The following MICAL2 variants were observed in gnomAD, a reference collection of about 807,000 sequenced individuals.
MICAL2 encodes [F-actin]-monooxygenase MICAL2.
Under a neutral mutation model 127.3 loss-of-function variants are expected in MICAL2, and 77 were observed. The observed-to-expected ratio is 0.60, with a 90% confidence interval of 0.50 to 0.73. MICAL2 has a LOEUF of 0.73. Among genes scored for constraint, MICAL2 ranks in the 30% least tolerant of loss-of-function variants. The pLI is 0.00. For synonymous variants in MICAL2, 570 were observed against 551.1 expected, an observed-to-expected ratio of 1.03 and a Z score of -0.48; for missense variants, 1,351 against 1,434.4, an observed-to-expected ratio of 0.94 and a Z score of 0.94.
At chr11:12,338,140 G>C (rs1449298988) in intron 32 of MICAL2, among the ~76,000 whole-genome samples, 2 of 152,326 alleles carry the variant, frequency 1.3e-5, no homozygotes, top group South Asian at 2.1e-4. Flanking sequence ...GTGTGCTCCT[G>C]TATTGGGTGC....
At chr11:12,118,612 C>T (rs895236311) in intron 1 of MICAL2, among the ~76,000 whole-genome samples, 21 of 152,176 alleles carry the variant, frequency 1.4e-4, no homozygotes, top group African/African-American at 4.8e-4. Context: ...GTTCAAAGAG[C>T]CTGGAATCTG....
At chr11:12,320,294 A>G (rs1864278468) in intron 30 of MICAL2, among the ~76,000 whole-genome samples, 1 of 152,236 alleles carries the variant, frequency 6.6e-6, no homozygotes, top group Non-Finnish European at 1.5e-5. Flanking sequence ...TGGAAGGGAC[A>G]AGCCCCGTGC....
chr11:12,256,272 C>G (rs1043050838), intron 23 of MICAL2: 1 of 160,510 alleles, frequency 6.2e-6, no homozygotes, highest in African/African-American at 2.4e-5. Context: ...CCGTGCCCTC[C>G]CAATTCACAA....
intron 3 of MICAL2, among the ~76,000 whole-genome samples, chr11:12,172,689 A>AG (rs900695992): frequency 2.0e-5 from 3 of 152,052 alleles, no homozygotes; most frequent in African/African-American, 7.2e-5. Flanking sequence ...GTGAAAAGGA[A>AG]GAAAAAAAAA....
At chr11:12,149,992 C>T (rs967977901) in intron 2 of MICAL2, among the ~76,000 whole-genome samples, 6 of 152,120 alleles carry the variant, frequency 3.9e-5, no homozygotes, top group Non-Finnish European at 8.8e-5. Context: ...TTGCATTTAG[C>T]AGCAGTTGGT....
intron 3 of MICAL2, among the ~76,000 whole-genome samples, chr11:12,179,285 G>A (rs1272644866): frequency 1.3e-5 from 2 of 152,014 alleles, no homozygotes; most frequent in Admixed American, 1.3e-4. Context: ...GCCCAGCACT[G>A]TAGGCACTTT....
chr11:12,261,954 A>T (rs1863174426), intron 26 of MICAL2: 1 of 988,082 alleles, frequency 1.0e-6, no homozygotes, highest in Non-Finnish European at 1.2e-6. Flanking sequence ...GATTATCTTC[A>T]GCTCAGGATA....
At chr11:12,166,299 C>T (rs141460556) in intron 3 of MICAL2, among the ~76,000 whole-genome samples, 16 of 152,292 alleles carry the variant, frequency 1.1e-4, no homozygotes, top group Middle Eastern at 6.8e-3. Flanking sequence ...TACTGGTTTG[C>T]TCTTATATTC....
intron 29 of MICAL2, among the ~76,000 whole-genome samples, chr11:12,317,744 A>C (rs932450267): frequency 6.6e-6 from 1 of 151,722 alleles, no homozygotes; most frequent in Non-Finnish European, 1.5e-5. Context: ...GTGAGCCCAG[A>C]TCATGCCACT....
chr11:12,239,476 A>G lies in MICAL2; in HGVS notation c.2105A>G (p.Glu702Gly). 1 of 1,614,176 alleles carries G rather than the reference A, an allele frequency of 6.2e-7. No homozygotes were observed. Among genetic ancestry groups the G allele is most frequent in the Non-Finnish European group, 8.5e-7 (1 of 1,180,036 alleles). Residue 702 changes from glutamate to glycine, a missense_variant, in exon 17 of 28, where the codon GAG (glutamate) becomes GGG (glycine). Around this residue, in one of 2 missense-constraint regions of MICAL2, gnomAD observed 752 missense variants for 719.4 expected, o/e 1.05. Transcript: ENST00000683283. ...FSSRSLGSNQ[E>G]CGSSKEGGNQ... is the part of the protein sequence containing the mutation. The stretch of plus-strand genomic sequence containing the variant: ...AGCCGTAGCTTGGGCTCCAATCAAG[A>G]GTGTGGGAGCAGTAAGGAAGGTGGA...
At chr11:12,327,350 C>A in intron 32 of MICAL2, 1 of 1,142,980 alleles carries the variant, frequency 8.7e-7, no homozygotes, top group Non-Finnish European at 1.2e-6. Context: ...CAGACCTTGT[C>A]ACCTGCTGGA....
intron 2 of MICAL2, among the ~76,000 whole-genome samples, chr11:12,147,125 G>A (rs929372542): frequency 5.9e-5 from 9 of 151,836 alleles, no homozygotes; most frequent in Non-Finnish European, 1.0e-4. Flanking sequence ...CGAGTTAATG[G>A]GTGCAGCACA....
intron 1 of MICAL2, among the ~76,000 whole-genome samples, chr11:12,277,568 G>A (rs1863735093): frequency 6.6e-6 from 1 of 152,208 alleles, no homozygotes; most frequent in South Asian, 2.1e-4. Flanking sequence ...ACAACAGCTA[G>A]TGACAGGCCC....
At chr11:12,264,763 A>C (rs939784121), downstream of MICAL2, among the ~76,000 whole-genome samples, 5 of 152,124 alleles carry the variant, frequency 3.3e-5, no homozygotes, top group Non-Finnish European at 5.9e-5. Flanking sequence ...GATGTTAGGG[A>C]CTGTAAGTCA....
At chr11:12,353,281 C>T (rs1047934599) in intron 33 of MICAL2, among the ~76,000 whole-genome samples, 1 of 152,226 alleles carries the variant, frequency 6.6e-6, no homozygotes, top group Non-Finnish European at 1.5e-5. Flanking sequence ...TCACCCTCTT[C>T]AAGTCTCTGT....
chr11:12,115,358 C>G (rs1849917434), intron 1 of MICAL2, among the ~76,000 whole-genome samples: 1 of 152,214 alleles, frequency 6.6e-6, no homozygotes, highest in South Asian at 2.1e-4. Flanking sequence ...TGCTGGACAC[C>G]TCGATAGGTG....
In MICAL2 at chr11:12,244,022, T is replaced by A. The variant is rs903461804; in HGVS notation, c.2694T>A (p.His898Gln). 1 of 1,613,770 alleles carries A rather than the reference T, an allele frequency of 6.2e-7. No individual in the cohort carries two copies. The highest frequency in any genetic ancestry group is 8.5e-7 in the Non-Finnish European group (1 of 1,179,664). The change falls in exon 21 of 28, where the codon CAT becomes CAA. Residue 898 changes from histidine (H) to glutamine (Q), a missense_variant. By Grantham distance (24) the His-to-Gln change is conservative. Around this residue, in one of 2 missense-constraint regions of MICAL2, gnomAD observed 752 missense variants for 719.4 expected, o/e 1.05. Coordinates refer to ENST00000683283, the MANE Select transcript of MICAL2 (RefSeq NM_001282663.2). ...KLLSKGLSHT[H>Q]PPSPPSRLPS... The stretch of plus-strand genomic sequence containing the variant: ...TCTCTAAAGGCCTGTCTCATACTCA[T>A]CCTCCATCTCCTCCCTCTCGCCTTC...
intron 14 of MICAL2, among the ~76,000 whole-genome samples, 184 bp downstream of exon 14, chr11:12,226,554 G>T (rs1039924021): frequency 1.3e-5 from 2 of 151,960 alleles, no homozygotes; most frequent in Non-Finnish European, 2.9e-5. Context: ...GGATCTGTAT[G>T]CCATTTACAT....
At chr11:12,233,499 G>T (rs539631278) in intron 15 of MICAL2, among the ~76,000 whole-genome samples, 1 of 152,314 alleles carries the variant, frequency 6.6e-6, no homozygotes. Context: ...AAGTTTGTTT[G>T]CTTTGAGCTA....
Sources: allele counts gnomAD v4.1 joint callset (sites outside exome capture counted in the v4.1 genomes callset), GRCh38; gene constraint gnomAD v4.1.1; regional missense constraint gnomAD v4.1.1; transcripts MANE v1.5; gene names NCBI Gene and HGNC (gene_info 2026-07-23, HGNC 2026-07-21).